Variants in NAP1L4 observed in about 807,000 individuals in gnomAD.
NAP1L4 encodes nucleosome assembly protein 1 like 4, also known as nucleosome assembly protein 1-like 4.
A neutral mutation model predicts 58.2 loss-of-function variants in NAP1L4; 15 were observed. That is an observed-to-expected ratio of 0.26 (90% CI 0.17 to 0.40). The LOEUF is 0.40. Ranked by LOEUF, NAP1L4 falls within the 10% of genes least tolerant of loss-of-function variation. The pLI is 1.00. For synonymous variants in NAP1L4, 171 were observed against 155.6 expected (o/e 1.10, Z -0.74); for missense variants, 384 against 451.1 (o/e 0.85, Z 1.35).
intron 1 of NAP1L4, among the ~76,000 whole-genome samples, chr11:2,986,009 T>C (rs1045982876): frequency 2.0e-5 from 3 of 152,272 alleles, no homozygotes; most frequent in African/African-American, 7.2e-5. Context: ...TAAAGATTTT[T>C]GTAACAAAAT....
chr11:2,973,092 C>A (rs915361586), intron 4 of NAP1L4, among the ~76,000 whole-genome samples: 1 of 152,196 alleles, frequency 6.6e-6, no homozygotes, highest in African/African-American at 2.4e-5. Context: ...ATGGCCTATT[C>A]ATAATCACAC....
chr11:2,973,583 C>T (rs1847771478), intron 4 of NAP1L4, among the ~76,000 whole-genome samples: 2 of 152,202 alleles, frequency 1.3e-5, no homozygotes, highest in South Asian at 4.1e-4. Context: ...AAGGACCACT[C>T]TCCTGGGTGA....
At chr11:2,950,761 C>T (rs1846183506) in intron 14 of NAP1L4, among the ~76,000 whole-genome samples, 2 of 152,068 alleles carry the variant, frequency 1.3e-5, no homozygotes, top group Admixed American at 1.3e-4. Context: ...TAAACCTTTC[C>T]AATTTATTTT....
At chr11:2,978,794 T>C (rs377225789) in intron 2 of NAP1L4, among the ~76,000 whole-genome samples, 1 of 152,168 alleles carries the variant, frequency 6.6e-6, no homozygotes, top group African/African-American at 2.4e-5. Context: ...AAATGAGCCA[T>C]GAAACAGTTT....
In NAP1L4 at chr11:2,949,738, T is replaced by C. The variant is rs1422873149; in HGVS notation, c.1123-474A>G. Among the ~76,000 whole-genome samples the C allele has an allele frequency of 4.6e-5, 7 of 152,252 alleles. No homozygotes were observed. The highest frequency in any genetic ancestry group is 1.0e-4 in the Non-Finnish European group (7 of 68,044). On this transcript the variant is annotated intron_variant, in intron 14 of 15. Coordinates refer to ENST00000380542, the MANE Select transcript of NAP1L4 (RefSeq NM_005969.4). This position sits in a 1 kb window ranked among gnomAD's most constrained non-coding sequence, Gnocchi z 4.0. Reference sequence around the variant, plus strand: ...TGTTCTCTGTAATGGCTGGTGAGAATGCTCTTTTAGAAACCTGGGACGTGA... The same window carrying C: ...TGTTCTCTGTAATGGCTGGTGAGAACGCTCTTTTAGAAACCTGGGACGTGA...
Position 2,954,399 on chromosome 11 carries a change from C to G in NAP1L4, c.1035+128G>C. ...CCCACAACAAGGACAGCAGCTTGGA[C>G]TACATATCTGGCTGATGATGTAATA... On this transcript the variant is annotated intron_variant, in intron 12 of 15. Transcript: ENST00000380542. This position sits in a 1 kb window ranked among gnomAD's most constrained non-coding sequence, Gnocchi z 4.8. The G allele has an allele frequency of 7.5e-7, 1 of 1,331,322 alleles. No individual in the cohort carries two copies. Among genetic ancestry groups the G allele is most frequent in the African/African-American group, 1.5e-5 (1 of 68,830 alleles). The allele number at this position is 1,331,322 out of a possible 1,614,324, so 82.5% of individuals were successfully genotyped here. A position where few individuals can be genotyped will look rare whatever the true frequency, so the allele number is the denominator to read the frequency against.
At chr11:2,973,264 G>A (rs1051995513) in intron 4 of NAP1L4, among the ~76,000 whole-genome samples, 12 of 152,186 alleles carry the variant, frequency 7.9e-5, no homozygotes, top group African/African-American at 2.7e-4. Context: ...AAAAATAGTT[G>A]TTATGTATAA....
chr11:2,965,438 T>G (rs1564980700), intron 7 of NAP1L4, among the ~76,000 whole-genome samples: 1 of 152,232 alleles, frequency 6.6e-6, no homozygotes, highest in Non-Finnish European at 1.5e-5. Flanking sequence ...GAAGGTACAG[T>G]AAGAATATGG....
chr11:2,959,660 A>T lies in NAP1L4; in HGVS notation c.746+110T>A. 1 of 1,301,968 alleles carries T rather than the reference A, an allele frequency of 7.7e-7. No individual in the cohort carries two copies. The highest frequency in any genetic ancestry group is 1.1e-6 in the Non-Finnish European group (1 of 946,722). 80.7% of individuals were successfully genotyped at this position (1,301,968 alleles called of 1,614,324 possible). A position where few individuals can be genotyped will look rare whatever the true frequency, so the allele number is the denominator to read the frequency against. On this transcript the variant is annotated intron_variant, in intron 9 of 15. Transcript: ENST00000380542. The surrounding 1 kb of genome is among the most constrained non-coding windows in gnomAD (Gnocchi z 4.9). ...ACATCTACCAGGCTTTTAGGCTTTTAAGCAGACTCAAGACTGTACTTTATT... is the reference window on the plus strand; with the variant it reads ...ACATCTACCAGGCTTTTAGGCTTTTTAGCAGACTCAAGACTGTACTTTATT...
chr11:2,992,063 G>A (rs1411779449), intron 1 of NAP1L4, 191 bp downstream of exon 1: 4 of 151,800 alleles, frequency 2.6e-5, no homozygotes, highest in African/African-American at 9.7e-5. Flanking sequence ...CAGGCCCCAA[G>A]CCCCAGGCCC....
At chr11:2,969,215 G>T (rs146334084) in intron 7 of NAP1L4, among the ~76,000 whole-genome samples, 1 of 152,018 alleles carries the variant, frequency 6.6e-6, no homozygotes, top group South Asian at 2.1e-4. Context: ...GGTCTCAAAC[G>T]ATCTGCCTAC....
At chr11:2,957,051 A>T (rs1846586982) in intron 10 of NAP1L4, among the ~76,000 whole-genome samples, 1 of 152,074 alleles carries the variant, frequency 6.6e-6, no homozygotes, top group South Asian at 2.1e-4. Context: ...TTGTGCAACC[A>T]TCATACCCTA....
rs376226860 is a variant in NAP1L4 at position 2,955,386 on chromosome 11, A to G, written c.915+358T>C. On this transcript the variant is annotated intron_variant, in intron 11 of 15. Coordinates refer to ENST00000380542, the MANE Select transcript of NAP1L4 (RefSeq NM_005969.4). This position sits in a 1 kb window ranked among gnomAD's most constrained non-coding sequence, Gnocchi z 4.2. ...AATTTTTTTTTTTTTTGGTATTTTAAGCAGAAACGGGGTTTCACCATGTTG... is the reference window on the plus strand; with the variant it reads ...AATTTTTTTTTTTTTTGGTATTTTAGGCAGAAACGGGGTTTCACCATGTTG... Among the ~76,000 whole-genome samples the G allele has an allele frequency of 6.6e-6, 1 of 151,586 alleles. No individual in the cohort carries two copies. Among genetic ancestry groups the G allele is most frequent in the African/African-American group, 2.4e-5 (1 of 41,150 alleles).
chr11:2,979,113 T>G lies in NAP1L4; in HGVS notation c.14+94A>C, dbSNP rs546150319. 524 of 1,316,358 alleles carry G rather than the reference T, an allele frequency of 4.0e-4. 1 individual carries two copies. The highest frequency in any genetic ancestry group is 8.6e-4 in the South Asian group (68 of 78,854). 81.5% of individuals were successfully genotyped at this position (1,316,358 alleles called of 1,614,324 possible). On this transcript the variant is annotated intron_variant, in intron 2 of 15. Coordinates refer to ENST00000380542, the MANE Select transcript of NAP1L4 (RefSeq NM_005969.4). ...CATCAGCTAGACGCTGAAATGCATT[T>G]AACTTTGATTCTAATTATTTATTGA...
At chr11:2,974,073 T>C (rs879789519) in intron 4 of NAP1L4, among the ~76,000 whole-genome samples, 5 of 152,226 alleles carry the variant, frequency 3.3e-5, no homozygotes, top group African/African-American at 4.8e-5. Flanking sequence ...TGGCTAATTA[T>C]ACAATTTTAA....
In NAP1L4 at chr11:2,955,442, G is replaced by C. The variant is rs1024169139; in HGVS notation, c.915+302C>G. 3.3e-5 allele frequency among the ~76,000 whole-genome samples: 5 copies of C among 152,058 alleles called. No homozygotes were observed. The highest frequency in any genetic ancestry group is 1.2e-4 in the African/African-American group (5 of 41,470). ...ACTGGTCTTGAACTCCTGACCTCTGGTGATCCACCCACCTTGGCCTCCCAC... is the reference window on the plus strand; with the variant it reads ...ACTGGTCTTGAACTCCTGACCTCTGCTGATCCACCCACCTTGGCCTCCCAC... On this transcript the variant is annotated intron_variant, in intron 11 of 15. Transcript: ENST00000380542. The surrounding 1 kb of genome is among the most constrained non-coding windows in gnomAD (Gnocchi z 4.2).
intron 4 of NAP1L4, among the ~76,000 whole-genome samples, chr11:2,972,988 A>G (rs900179072): frequency 6.6e-6 from 1 of 152,188 alleles, no homozygotes; most frequent in Non-Finnish European, 1.5e-5. Flanking sequence ...GGAAAAAAAA[A>G]AATTTATCCT....
In NAP1L4 at chr11:2,948,056, G is replaced by C. The variant is rs1846030748; in HGVS notation, c.*32+1171C>G. Among the ~76,000 whole-genome samples the C allele has an allele frequency of 0.012, 1 of 82 alleles. No individual in the cohort carries two copies. The highest frequency in any genetic ancestry group is 0.083 in the African/African-American group (1 of 12). 0.1% of individuals were successfully genotyped at this position (82 alleles called of 152,430 possible). The stretch of plus-strand genomic sequence containing the variant: ...TTCAAAAGAGCTGGTGGCATGGGAG[G>C]GGTGGCGTGGGAGAGTGGGTGAGGG... On this transcript the variant is annotated intron_variant, in intron 15 of 15. Transcript: ENST00000380542. This position sits in a 1 kb window ranked among gnomAD's most constrained non-coding sequence, Gnocchi z 5.1.
rs1846223011 is a variant in NAP1L4 at position 2,951,455 on chromosome 11, T to C, written c.1066-140A>G. On this transcript the variant is annotated intron_variant, in intron 13 of 15. Transcript: ENST00000380542. This position sits in a 1 kb window ranked among gnomAD's most constrained non-coding sequence, Gnocchi z 4.0. ...ACCCACAAGTGACTCATCACTTCCT[T>C]TGGACACTTAGAATTATTTCTAGGT... 5 of 749,214 alleles carry C rather than the reference T, an allele frequency of 6.7e-6. No homozygotes were observed. Among genetic ancestry groups the C allele is most frequent in the South Asian group, 1.7e-5 (1 of 60,442 alleles). 46.4% of individuals were successfully genotyped at this position (749,214 alleles called of 1,614,324 possible).
Sources: allele counts gnomAD v4.1 joint callset (sites outside exome capture counted in the v4.1 genomes callset), GRCh38; gene constraint gnomAD v4.1.1; non-coding constraint Gnocchi (gnomAD v3.1); transcripts MANE v1.5; gene names NCBI Gene and HGNC (gene_info 2026-07-23, HGNC 2026-07-21).